Variants in RBFOX1 observed in about 807,000 individuals in gnomAD.
RBFOX1 encodes RNA binding protein fox-1 homolog 1.
In RBFOX1, 8 loss-of-function variants were observed where a neutral mutation model predicts 57.7. That is an observed-to-expected ratio of 0.14 (90% CI 0.08 to 0.25). RBFOX1 has a LOEUF of 0.25. Ranked by LOEUF, RBFOX1 falls within the 10% of genes least tolerant of loss-of-function variation. RBFOX1 has a pLI of 1.00. For synonymous variants in RBFOX1, 326 were observed against 222.4 expected (o/e 1.47, Z -4.15); for missense variants, 611 against 548.5 (o/e 1.11, Z -1.14).
chr16:5,652,165 T>TGAA (rs1368947199), intron 3 of RBFOX1, among the ~76,000 whole-genome samples: 2 of 152,142 alleles, frequency 1.3e-5, no homozygotes, highest in African/African-American at 4.8e-5. Flanking sequence ...ATGATGATGA[T>TGAA]GAAGAAGATA....
At chr16:7,709,533 A>T in intron 15 of RBFOX1, 4 of 1,533,468 alleles carry the variant, frequency 2.6e-6, no homozygotes, top group Non-Finnish European at 2.6e-6. Context: ...CAGAGGAGCT[A>T]AGCTGCACAC....
At chr16:6,105,189 C>T (rs1213485970) in intron 1 of RBFOX1, among the ~76,000 whole-genome samples, 1 of 152,298 alleles carries the variant, frequency 6.6e-6, no homozygotes, top group East Asian at 1.9e-4. Context: ...TGTGGGACCA[C>T]CCTCCATTTT....
intron 3 of RBFOX1, among the ~76,000 whole-genome samples, chr16:6,843,168 C>A (rs976580696): frequency 6.6e-6 from 1 of 152,040 alleles, no homozygotes; most frequent in Non-Finnish European, 1.5e-5. Context: ...ATTCTCTGAG[C>A]AAAGTTTTCT....
intron 4 of RBFOX1, among the ~76,000 whole-genome samples, chr16:7,381,527 C>T (rs1027794217): frequency 2.8e-4 from 42 of 148,914 alleles, no homozygotes; most frequent in Admixed American, 3.4e-4. Flanking sequence ...ATTTTATTAA[C>T]AGCTTCACAG....
intron 1 of RBFOX1, among the ~76,000 whole-genome samples, chr16:6,255,571 G>T (rs942295130): frequency 1.3e-5 from 2 of 152,112 alleles, no homozygotes; most frequent in African/African-American, 4.8e-5. Flanking sequence ...GGAGGAATGC[G>T]CTGTTCAGTG....
At chr16:5,422,656 AGAGGAG>A (rs1190719124) in intron 1 of RBFOX1, among the ~76,000 whole-genome samples, 11 of 65,610 alleles carry the variant, frequency 1.7e-4, no homozygotes, top group Admixed American at 5.5e-4. Flanking sequence ...TTGGGAGGAA[AGAGGAG>A]GAGGGGGAGG....
chr16:6,009,288 C>T (rs1490734574), intron 4 of RBFOX1, among the ~76,000 whole-genome samples: 1 of 152,124 alleles, frequency 6.6e-6, no homozygotes, highest in Non-Finnish European at 1.5e-5. Context: ...ACTGCCAACT[C>T]ATTTTCACGT....
chr16:6,667,440 C>G (rs999917813), intron 3 of RBFOX1, among the ~76,000 whole-genome samples: 2 of 152,096 alleles, frequency 1.3e-5, no homozygotes, highest in East Asian at 3.9e-4. Context: ...AGCTTAGTGG[C>G]TTCCTGGTTA....
At chr16:6,454,149 C>T (rs2094702768) in intron 2 of RBFOX1, among the ~76,000 whole-genome samples, 2 of 152,178 alleles carry the variant, frequency 1.3e-5, no homozygotes, top group Admixed American at 6.5e-5. Flanking sequence ...AACTCAGTCA[C>T]CTCTTTAAAG....
intron 4 of RBFOX1, among the ~76,000 whole-genome samples, chr16:7,351,887 T>C (rs912949265): frequency 1.4e-4 from 22 of 152,146 alleles, no homozygotes; most frequent in Non-Finnish European, 7.3e-5. Context: ...GTCTTTCTGA[T>C]CTGCTGCCAA....
At position 7,024,029 on chromosome 16, in the gene RBFOX1, A is replaced by AC. The variant is rs1326188104; in HGVS notation, c.-15-28028_-15-28027insC. On this transcript the variant is annotated intron_variant, in intron 3 of 15. Coordinates refer to ENST00000550418, the MANE Select transcript of RBFOX1 (RefSeq NM_018723.4). ...TATCCTCCTGATAACCGTATGTTGAAAAAGGATTTAAGAGGAAGGTCATAA... is the reference window on the plus strand; with the variant it reads ...TATCCTCCTGATAACCGTATGTTGAACAAAGGATTTAAGAGGAAGGTCATAA... 6.0e-3 allele frequency among the ~76,000 whole-genome samples: 915 copies of AC among 152,302 alleles called. 10 individuals carry two copies. Among genetic ancestry groups the AC allele is most frequent in the African/African-American group, 0.021 (877 of 41,568 alleles).
chr16:6,724,358 C>G (rs1415515553), intron 3 of RBFOX1, among the ~76,000 whole-genome samples: 1 of 152,012 alleles, frequency 6.6e-6, no homozygotes, highest in Non-Finnish European at 1.5e-5. Flanking sequence ...TACAGGTGCA[C>G]TCCAGCATGC....
chr16:6,822,698 C>T (rs1043358091), intron 3 of RBFOX1, among the ~76,000 whole-genome samples: 1 of 152,128 alleles, frequency 6.6e-6, no homozygotes, highest in African/African-American at 2.4e-5. Flanking sequence ...TTTAAAGATC[C>T]AAGCTCTGCT....
At chr16:6,819,398 T>C (rs1036081268) in intron 3 of RBFOX1, among the ~76,000 whole-genome samples, 2 of 152,126 alleles carry the variant, frequency 1.3e-5, no homozygotes, top group African/African-American at 4.8e-5. Context: ...AGAGTTTAAG[T>C]TGCAAAAGGT....
At chr16:5,579,783 G>A (rs1212571827) in intron 2 of RBFOX1, among the ~76,000 whole-genome samples, 1 of 149,918 alleles carries the variant, frequency 6.7e-6, no homozygotes, top group Non-Finnish European at 1.5e-5. Flanking sequence ...TCCTTGAGAA[G>A]GAGTCTCGCT....
intron 3 of RBFOX1, among the ~76,000 whole-genome samples, chr16:7,025,687 C>G (rs377698829): frequency 6.6e-6 from 1 of 152,140 alleles, no homozygotes. Context: ...AAGGCCTGGC[C>G]TGGCCTCTGG....
chr16:6,563,701 C>G (rs1020620037), intron 2 of RBFOX1, among the ~76,000 whole-genome samples: 2 of 151,870 alleles, frequency 1.3e-5, no homozygotes, highest in African/African-American at 2.4e-5. Flanking sequence ...AAAAAGTAGC[C>G]AAGCATGGTG....
At chr16:6,106,611 G>A (rs1303866528) in intron 1 of RBFOX1, among the ~76,000 whole-genome samples, 1 of 152,264 alleles carries the variant, frequency 6.6e-6, no homozygotes, top group Non-Finnish European at 1.5e-5. Flanking sequence ...TCATTGCCAA[G>A]GGGTATGGTC....
intron 4 of RBFOX1, among the ~76,000 whole-genome samples, chr16:5,929,707 GT>G (rs567267256): frequency 7.2e-5 from 11 of 151,990 alleles, no homozygotes; most frequent in East Asian, 3.9e-4. Context: ...CTGAGCATCT[GT>G]TTTTTTTATG....
Sources: gnomAD v4.1 joint callset for allele counts (sites outside exome capture counted in the v4.1 genomes callset) on GRCh38, gnomAD v4.1.1 for gene constraint, MANE v1.5 for transcripts, NCBI Gene and HGNC (gene_info 2026-07-23, HGNC 2026-07-21) for gene names.